The following NLRP9 variants were observed in gnomAD, a reference collection of about 807,000 sequenced individuals.
NLRP9 encodes the protein NLR family pyrin domain containing 9.
In NLRP9, 88 loss-of-function variants were observed where a neutral mutation model predicts 83.1. That is an observed-to-expected ratio of 1.06 (90% confidence interval 0.89 to 1.26). NLRP9 has a LOEUF of 1.26. Among genes scored for constraint, NLRP9 ranks in the 50% most tolerant of loss-of-function variants. NLRP9 has a pLI of 0.00. For synonymous variants in NLRP9, 521 were observed against 447.6 expected (o/e 1.16, Z -2.07); for missense variants, 1,308 against 1,179.3 (o/e 1.11, Z -1.60).
At chr19:55,723,430 G>C (rs530488035) in intron 4 of NLRP9, among the ~76,000 whole-genome samples, 3 of 152,244 alleles carry the variant, frequency 2.0e-5, no homozygotes, top group Non-Finnish European at 2.9e-5. Flanking sequence ...GGAGGTGTCC[G>C]TGAGATGAGC....
rs780856663 is a variant in NLRP9 at position 55,712,551 on chromosome 19, G to A, written c.2541C>T (p.Asp847=). 7.4e-6 allele frequency: 12 copies of A among 1,612,560 alleles called. No individual in the cohort carries two copies. The highest frequency in any genetic ancestry group is 2.2e-5 in the South Asian group (2 of 91,054). The part of the protein sequence containing the change: ...GCFLTSDSCK[D]IAAVLICNGK... ...CATTGCAAATAAGAACAGCAGCAAT[G>A]TCCTTACAGGAATCGGAAGTAAGGA... The change falls in exon 7 of 9, where the codon GAC becomes GAT. Residue 847 remains aspartate (D), a synonymous_variant. Transcript: ENST00000332836.
In NLRP9 at chr19:55,708,744, G is replaced by A; in HGVS notation, c.*168C>T. 3 of 500,490 alleles carry A rather than the reference G, an allele frequency of 6.0e-6. No individual in the cohort carries two copies. The highest frequency in any genetic ancestry group is 1.1e-5 in the Non-Finnish European group (3 of 282,080). 31.0% of individuals were successfully genotyped at this position (500,490 alleles called of 1,614,324 possible). The stretch of plus-strand genomic sequence containing the variant: ...GGACCGAGGCAAAGACAATCAGCAT[G>A]TACACTGAATCACACTCCATAATCA... On this transcript the variant is annotated 3_prime_UTR_variant, in exon 9 of 9. Coordinates refer to ENST00000332836, the MANE Select transcript of NLRP9 (RefSeq NM_176820.4).
chr19:55,715,128 C>A lies in NLRP9; in HGVS notation c.2428G>T (p.Ala810Ser). 6.2e-7 allele frequency: 1 copy of A among 1,613,258 alleles called. No homozygotes were observed. Among genetic ancestry groups the A allele is most frequent in the Non-Finnish European group, 8.5e-7 (1 of 1,179,898 alleles). ...GATGCCACTCCATTATCTTCCAGGG[C>A]ATTTGAGCCCAGATCGAGGAGGGAC... The part of the protein sequence containing the change: ...SLSLLDLGSN[A>S]LEDNGVASLC... The change falls in exon 6 of 9, where the codon GCC (alanine) becomes TCC (serine). Residue 810 changes from alanine to serine, a missense_variant. Ala to Ser is a moderately conservative substitution (Grantham distance 99). Coordinates refer to ENST00000332836, the MANE Select transcript of NLRP9 (RefSeq NM_176820.4).
Position 55,709,018 on chromosome 19 carries a change from T to C in NLRP9, c.2870A>G (p.Glu957Gly). 1 of 1,579,824 alleles carries C rather than the reference T, an allele frequency of 6.3e-7. No individual in the cohort carries two copies. Among genetic ancestry groups the C allele is most frequent in the South Asian group, 1.2e-5 (1 of 83,484 alleles). The stretch of plus-strand genomic sequence containing the variant: ...CACAGACATCAGGATCTTCTGAGTT[T>C]CTTCATCAAAGCCAGATTTGTGCAG... ...LGLHKSGFDE[E>G]TQKILMSVEE... The change falls in exon 9 of 9, where the codon GAA becomes GGA. Residue 957 changes from glutamate (E) to glycine (G), a missense_variant. Glu to Gly is a moderately conservative substitution (Grantham distance 98). Coordinates refer to ENST00000332836, the MANE Select transcript of NLRP9 (RefSeq NM_176820.4).
intron 4 of NLRP9, among the ~76,000 whole-genome samples, chr19:55,721,862 G>A (rs1988236089): frequency 6.6e-6 from 1 of 152,192 alleles, no homozygotes; most frequent in Admixed American, 6.5e-5. Flanking sequence ...CTGCCGCCAT[G>A]TGAGATGTGC....
At chr19:55,714,142 G>T (rs1351039480) in intron 6 of NLRP9, among the ~76,000 whole-genome samples, 1 of 151,872 alleles carries the variant, frequency 6.6e-6, no homozygotes, top group Admixed American at 6.6e-5. Context: ...CCACCTAGAA[G>T]CATCTTCAGT....
chr19:55,731,570 A>G (rs1001371159), intron 2 of NLRP9, among the ~76,000 whole-genome samples: 1 of 150,734 alleles, frequency 6.6e-6, no homozygotes, highest in African/African-American at 2.5e-5. Flanking sequence ...CCAAAAATAC[A>G]AAAATTAGCC....
rs147595718 is a variant in NLRP9 at position 55,713,448 on chromosome 19, C to G, written c.2502-858G>C. On this transcript the variant is annotated intron_variant, in intron 6 of 8. Coordinates refer to ENST00000332836, the MANE Select transcript of NLRP9 (RefSeq NM_176820.4). ...CACTCACACATATATATGTATGTGTCTGATGTATGTACTTGTGTGTTGGTG... is the reference window on the plus strand; with the variant it reads ...CACTCACACATATATATGTATGTGTGTGATGTATGTACTTGTGTGTTGGTG... Among the ~76,000 whole-genome samples the G allele has an allele frequency of 1.0e-3, 157 of 151,776 alleles. 1 individual carries two copies. The highest frequency in any genetic ancestry group is 1.0e-3 in the Non-Finnish European group (70 of 67,888).
intron 4 of NLRP9, among the ~76,000 whole-genome samples, chr19:55,723,120 A>G (rs1007638784): frequency 1.3e-5 from 2 of 152,164 alleles, no homozygotes; most frequent in African/African-American, 4.8e-5. Flanking sequence ...CGTTGTACAC[A>G]TGTACTCCAG....
In NLRP9 at chr19:55,711,890, A is replaced by AG; in HGVS notation, c.2752dup (p.Leu918ProfsTer11). 1 of 1,613,370 alleles carries AG rather than the reference A, an allele frequency of 6.2e-7. No individual in the cohort carries two copies. The highest frequency in any genetic ancestry group is 2.2e-5 in the East Asian group (1 of 44,882). ...ATCCAAGGCAATCCAGTCGAGGTTC[A>AG]GGCTCCTCAGTGTTTTGCAGGCGAT... On this transcript the variant is annotated frameshift_variant, in exon 8 of 9. Transcript: ENST00000332836. LOFTEE classifies it high-confidence loss of function.
rs771165548 is a variant in NLRP9, at chr19:55,716,708, C to A, written c.2330+20G>T. The A allele has an allele frequency of 6.2e-7, 1 of 1,607,722 alleles. No homozygotes were observed. Among genetic ancestry groups the A allele is most frequent in the Non-Finnish European group, 8.5e-7 (1 of 1,174,686 alleles). On this transcript the variant is annotated intron_variant, in intron 5 of 8. Transcript: ENST00000332836. ...CACGCTTCAGAAATCTCCGAACGTG[C>A]TTCCCGCAGACCAACTTACATCAGC... is the stretch of plus-strand genomic sequence containing the variant.
In NLRP9 at chr19:55,708,875, A is replaced by G. The variant is rs1987561865; in HGVS notation, c.*37T>C. 2.0e-6 allele frequency: 3 copies of G among 1,477,768 alleles called. No individual in the cohort carries two copies. In the South Asian group the frequency reaches 4.2e-5, roughly 21 times the overall value. The allele number at this position is 1,477,768 out of a possible 1,614,324, so 91.5% of individuals were successfully genotyped here. ...GTGAAGGTCCCACTGTGGCCAAGGA[A>G]AGCCTTTGTGAGACGACTACTTCAG... is the stretch of plus-strand genomic sequence containing the variant. On this transcript the variant is annotated 3_prime_UTR_variant, in exon 9 of 9. Transcript: ENST00000332836.
chr19:55,714,509 C>G (rs1245805027), intron 6 of NLRP9, among the ~76,000 whole-genome samples: 1 of 152,244 alleles, frequency 6.6e-6, no homozygotes, highest in African/African-American at 2.4e-5. Context: ...ACTCCTGAGT[C>G]CCCTGCTGTG....
chr19:55,718,470 C>A (rs1988106023), intron 4 of NLRP9, among the ~76,000 whole-genome samples: 1 of 152,220 alleles, frequency 6.6e-6, no homozygotes, highest in Non-Finnish European at 1.5e-5. Flanking sequence ...GAGAAAATTG[C>A]CCTGTGGCTG....
chr19:55,738,129 T>C lies in NLRP9; in HGVS notation c.246A>G (p.Lys82=), dbSNP rs1463987542. The change falls in exon 1 of 9, where the codon AAA becomes AAG. Residue 82 remains lysine (K), a synonymous_variant. Coordinates refer to ENST00000332836, the MANE Select transcript of NLRP9 (RefSeq NM_176820.4). ...CTTCCTGAGCCTTTGTCCAGAGATCTTTCCTATTGATCTGTAGAAACAGGT... is the reference window on the plus strand; with the variant it reads ...CTTCCTGAGCCTTTGTCCAGAGATCCTTCCTATTGATCTGTAGAAACAGGT... ...TLNLFLQINR[K]DLWTKAQEEM... is the part of the protein sequence containing the mutation. 1.2e-6 allele frequency: 2 copies of C among 1,614,062 alleles called. No individual in the cohort carries two copies. Among genetic ancestry groups the C allele is most frequent in the African/African-American group, 1.3e-5 (1 of 74,924 alleles).
intron 4 of NLRP9, among the ~76,000 whole-genome samples, chr19:55,720,199 A>T (rs1042736732): frequency 1.1e-4 from 16 of 152,202 alleles, no homozygotes. Context: ...AATTTTTTTT[A>T]AACCTGACTT....
chr19:55,721,578 C>T (rs1324864185), intron 4 of NLRP9, among the ~76,000 whole-genome samples: 2 of 152,098 alleles, frequency 1.3e-5, no homozygotes, highest in Non-Finnish European at 2.9e-5. Context: ...CTCAGTAGTC[C>T]AGTACTAGAT....
intron 4 of NLRP9, 139 bp from the exon 5 acceptor site, chr19:55,717,037 T>TTC (rs1555794415): frequency 2.1e-5 from 11 of 531,562 alleles, no homozygotes; most frequent in African/African-American, 1.6e-4. Flanking sequence ...CTTTTTCTTT[T>TTC]TTTTTTTTTT....
At chr19:55,729,044 C>CTCTTTTT (rs1988484641) in intron 3 of NLRP9, among the ~76,000 whole-genome samples, 1 of 98,236 alleles carries the variant, frequency 1.0e-5, no homozygotes, top group Non-Finnish European at 2.0e-5. Flanking sequence ...TCTTATTTTT[C>CTCTTTTT]TTTTTCTTTT....
Sources: gnomAD v4.1 joint callset for allele counts (sites outside exome capture counted in the v4.1 genomes callset) on GRCh38, gnomAD v4.1.1 for gene constraint, MANE v1.5 for transcripts, NCBI Gene and HGNC (gene_info 2026-07-23, HGNC 2026-07-21) for gene names.